The following NCAPG2 variants were observed in gnomAD, a reference collection of about 807,000 sequenced individuals.
The protein encoded by NCAPG2 is condensin-2 complex subunit G2.
NCAPG2 carries 53 observed loss-of-function variants against 141.1 expected under a neutral mutation model. The observed-to-expected ratio is 0.38, with a 90% CI of 0.30 to 0.47. NCAPG2 has a LOEUF of 0.47. Among genes scored for constraint, NCAPG2 ranks in the 20% least tolerant of loss-of-function variants. NCAPG2 has a pLI of 0.99. For synonymous variants in NCAPG2, 499 were observed against 490.7 expected (o/e 1.02, Z -0.22); for missense variants, 1,087 against 1,389.0 (o/e 0.78, Z 3.46).
chr7:158,651,418 C>T (rs920711899), intron 23 of NCAPG2, among the ~76,000 whole-genome samples: 1 of 152,160 alleles, frequency 6.6e-6, no homozygotes, highest in African/African-American at 2.4e-5. Flanking sequence ...AGGAACATTT[C>T]AAATGAACTC....
intron 13 of NCAPG2, among the ~76,000 whole-genome samples, chr7:158,665,969 C>CACG (rs1166991070): frequency 6.0e-5 from 9 of 150,332 alleles, no homozygotes; most frequent in Non-Finnish European, 8.8e-5. Flanking sequence ...CCAAATCCCA[C>CACG]ACGGGGCAGT....
chr7:158,701,296 C>T (rs1183297758), intron 2 of NCAPG2, among the ~76,000 whole-genome samples: 1 of 152,232 alleles, frequency 6.6e-6, no homozygotes, highest in Non-Finnish European at 1.5e-5. Flanking sequence ...TGACATATTT[C>T]TCACTTGTAG....
chr7:158,639,085 G>A (rs1480695746), intron 27 of NCAPG2, among the ~76,000 whole-genome samples: 2 of 152,076 alleles, frequency 1.3e-5, no homozygotes, highest in East Asian at 3.8e-4. Context: ...TTCAGGAGGT[G>A]TATTCCTCGA....
At chr7:158,683,965 C>T (rs1369768613) in intron 8 of NCAPG2, among the ~76,000 whole-genome samples, 1 of 152,180 alleles carries the variant, frequency 6.6e-6, no homozygotes, top group Non-Finnish European at 1.5e-5. Flanking sequence ...TAGCAAAAAA[C>T]CCCAGTGGAC....
At chr7:158,637,716 C>T (rs912936277) in intron 27 of NCAPG2, among the ~76,000 whole-genome samples, 4 of 152,198 alleles carry the variant, frequency 2.6e-5, no homozygotes, top group Admixed American at 1.3e-4. Context: ...TCTCCCTGTC[C>T]GGGTGGGGGC....
intron 27 of NCAPG2, among the ~76,000 whole-genome samples, chr7:158,638,962 C>T (rs888753472): frequency 2.0e-5 from 3 of 152,162 alleles, no homozygotes; most frequent in African/African-American, 4.8e-5. Flanking sequence ...AAACATAAAC[C>T]TCATATCAAG....
chr7:158,684,727 T>C (rs1463399198), intron 8 of NCAPG2, among the ~76,000 whole-genome samples: 3 of 152,242 alleles, frequency 2.0e-5, no homozygotes, highest in African/African-American at 4.8e-5. Context: ...ATTTTGTTTA[T>C]TTTTCTGTAG....
intron 13 of NCAPG2, chr7:158,667,156 C>A: frequency 3.0e-6 from 3 of 985,442 alleles, no homozygotes; most frequent in Non-Finnish European, 2.4e-6. Flanking sequence ...ACCTCACAAC[C>A]AAATGGCTGT....
chr7:158,692,565 A>C (rs1244459287), intron 4 of NCAPG2, among the ~76,000 whole-genome samples: 1 of 152,176 alleles, frequency 6.6e-6, no homozygotes, highest in Non-Finnish European at 1.5e-5. Context: ...AACATGGAGA[A>C]ACCCTGTCTC....
At chr7:158,645,730 G>A (rs945535550) in intron 25 of NCAPG2, 111 bp from the exon 26 acceptor site, 6 of 921,302 alleles carry the variant, frequency 6.5e-6, no homozygotes, top group Non-Finnish European at 8.4e-6. Flanking sequence ...GTTTGCAGGG[G>A]ACGTGGGAAG....
chr7:158,668,782 CA>C (rs1833476043), intron 13 of NCAPG2, among the ~76,000 whole-genome samples: 2 of 152,166 alleles, frequency 1.3e-5, no homozygotes, highest in South Asian at 4.1e-4. Flanking sequence ...CTTTTAAGTT[CA>C]GGGGTACAAA....
intron 27 of NCAPG2, among the ~76,000 whole-genome samples, chr7:158,642,602 T>C (rs1830725364): frequency 6.6e-6 from 1 of 152,126 alleles, no homozygotes; most frequent in Admixed American, 6.5e-5. Flanking sequence ...AAAAAAGTTT[T>C]TTAATGCGGA....
intron 17 of NCAPG2, among the ~76,000 whole-genome samples, chr7:158,656,929 A>C (rs1037087860): frequency 6.6e-6 from 1 of 152,232 alleles, no homozygotes; most frequent in Admixed American, 6.5e-5. Flanking sequence ...GACACTGAAG[A>C]AGCAGGGCAC....
intron 27 of NCAPG2, among the ~76,000 whole-genome samples, chr7:158,643,284 T>C (rs1202587397): frequency 1.5e-4 from 23 of 152,176 alleles, no homozygotes; most frequent in Admixed American, 1.4e-3. Flanking sequence ...TTTTACCATG[T>C]TGGCCAGGCT....
At chr7:158,680,676 C>A in intron 10 of NCAPG2, 45 bp downstream of exon 10, 3 of 1,292,954 alleles carry the variant, frequency 2.3e-6, no homozygotes, top group Non-Finnish European at 3.1e-6. Context: ...TTCAAAAGCA[C>A]AAGTAGTACA....
intron 22 of NCAPG2, 106 bp downstream of exon 22, chr7:158,654,489 A>T: frequency 8.8e-7 from 1 of 1,137,070 alleles, no homozygotes; most frequent in Non-Finnish European, 1.2e-6. Flanking sequence ...AGGTTGCATT[A>T]TAATCAGTCA....
chr7:158,667,343 CCG>C (rs1180566464), intron 13 of NCAPG2: 2 of 112,130 alleles, frequency 1.8e-5, no homozygotes, highest in Non-Finnish European at 2.1e-5. Context: ...CTGTGTCCCT[CCG>C]CTCCTTAGCC....
intron 27 of NCAPG2, among the ~76,000 whole-genome samples, chr7:158,636,209 C>T (rs1336141286): frequency 2.0e-5 from 3 of 152,192 alleles, no homozygotes; most frequent in East Asian, 3.9e-4. Flanking sequence ...ATTGTAAGTT[C>T]TGAATTTCTC....
chr7:158,662,077 T>C, intron 16 of NCAPG2, 117 bp downstream of exon 16: 1 of 1,006,690 alleles, frequency 9.9e-7, no homozygotes. Flanking sequence ...TCCAACCCTC[T>C]CATTTTACAG....
Sources: allele counts gnomAD v4.1 joint callset (sites outside exome capture counted in the v4.1 genomes callset), GRCh38; gene constraint gnomAD v4.1.1; transcripts MANE v1.5; gene names NCBI Gene and HGNC (gene_info 2026-07-23, HGNC 2026-07-21).